GCSAML: variants seen among roughly 807,000 people sequenced by gnomAD.
GCSAML encodes germinal center associated signaling and motility like, also known as germinal center-associated signaling and motility-like protein.
A neutral mutation model predicts 13.0 loss-of-function variants in GCSAML; 9 were observed. That is an observed-to-expected ratio of 0.69 (90% CI 0.42 to 1.21). The LOEUF (loss-of-function observed/expected upper bound fraction) is 1.21. Among genes scored for constraint, GCSAML ranks in the 50% most tolerant of loss-of-function variants. GCSAML has a pLI of 0.00. For missense variants in GCSAML, 143 were observed against 153.4 expected (o/e 0.93, Z 0.36); for synonymous variants, 37 against 52.9 (o/e 0.70, Z 1.31).
chr1:247,548,975 C>A, upstream of GCSAML: 1 of 1,256,014 alleles, frequency 8.0e-7, no homozygotes, highest in Non-Finnish European at 1.1e-6. The surrounding 1 kb of genome is among the most constrained non-coding windows in gnomAD (Gnocchi z 5.3). Context: ...TGCAGGCACA[C>A]ACACGCACAC....
upstream of GCSAML, among the ~76,000 whole-genome samples, chr1:247,546,153 G>T (rs1299533594): frequency 6.6e-6 from 1 of 151,902 alleles, no homozygotes; most frequent in Non-Finnish European, 1.5e-5. Context: ...ATTTTTGTTT[G>T]TTCGTTTTGT....
intron 1 of GCSAML, among the ~76,000 whole-genome samples, chr1:247,513,096 A>G (rs972880504): frequency 3.3e-5 from 5 of 152,304 alleles, no homozygotes; most frequent in South Asian, 2.1e-4. Flanking sequence ...TTGTCTGCTG[A>G]AGCTGTGCCC....
intron 2 of GCSAML, among the ~76,000 whole-genome samples, chr1:247,562,759 T>C (rs1279764055): frequency 6.6e-6 from 1 of 152,168 alleles, no homozygotes; most frequent in African/African-American, 2.4e-5. Flanking sequence ...CTTTGAATCC[T>C]CTTTATTGTG....
At chr1:247,547,405 G>T (rs1364859421), upstream of GCSAML, among the ~76,000 whole-genome samples, 1 of 152,206 alleles carries the variant, frequency 6.6e-6, no homozygotes, top group Non-Finnish European at 1.5e-5. Flanking sequence ...GGATGGGACA[G>T]AATGGGAGTT....
At chr1:247,521,311 C>A (rs1055884630) in intron 1 of GCSAML, among the ~76,000 whole-genome samples, 2 of 150,780 alleles carry the variant, frequency 1.3e-5, no homozygotes, top group African/African-American at 2.4e-5. Flanking sequence ...ATAATGTCTC[C>A]CTCTCCCTCT....
At chr1:247,558,374 T>A (rs1668019961) in intron 2 of GCSAML, among the ~76,000 whole-genome samples, 1 of 152,224 alleles carries the variant, frequency 6.6e-6, no homozygotes, top group Admixed American at 6.5e-5. Context: ...GTATGAGCTC[T>A]TTCAAGTCAC....
rs569733893 is a variant in GCSAML at position 247,514,954 on chromosome 1, C to A, written c.-263+7721C>A. Among the ~76,000 whole-genome samples the A allele has an allele frequency of 2.3e-4, 35 of 152,130 alleles. No individual in the cohort carries two copies. In the South Asian group the frequency reaches 7.0e-3, roughly 31 times the overall value. On this transcript the variant is annotated intron_variant, in intron 1 of 5. Transcript: ENST00000366489. ...CTTTGGCTATGTGGGCTCTTTTTTG[C>A]TTCCATGTAAATTTTAGGATTGTTT...
chr1:247,532,874 T>TAC (rs1667054649), intron 2 of GCSAML, among the ~76,000 whole-genome samples: 1 of 139,310 alleles, frequency 7.2e-6, no homozygotes, highest in African/African-American at 3.1e-5. Flanking sequence ...AAAGACTGGG[T>TAC]GGGGGGTGTT....
At chr1:247,544,506 A>G (rs1437899200), upstream of GCSAML, among the ~76,000 whole-genome samples, 1 of 152,180 alleles carries the variant, frequency 6.6e-6, no homozygotes, top group Non-Finnish European at 1.5e-5. Context: ...ACAAAGGTAC[A>G]TTCCCCACAA....
At chr1:247,537,613 T>C (rs1667265254) in intron 2 of GCSAML, among the ~76,000 whole-genome samples, 1 of 152,260 alleles carries the variant, frequency 6.6e-6, no homozygotes, top group Non-Finnish European at 1.5e-5. Context: ...AAGCAATTTG[T>C]GTTCCAGTTT....
intron 1 of GCSAML, among the ~76,000 whole-genome samples, chr1:247,515,972 G>C (rs1309333363): frequency 1.3e-5 from 2 of 152,166 alleles, no homozygotes; most frequent in East Asian, 1.9e-4. Flanking sequence ...GTTGGTTGAG[G>C]GGGGAGGAGA....
At chr1:247,523,227 T>C (rs1351234783) in intron 1 of GCSAML, among the ~76,000 whole-genome samples, 3 of 152,180 alleles carry the variant, frequency 2.0e-5, no homozygotes, top group Non-Finnish European at 4.4e-5. Context: ...AGCGTAATAA[T>C]CAAGTAATAA....
At position 247,532,210 on chromosome 1, in the gene GCSAML, T is replaced by C; in HGVS notation, c.-148+5156T>C. ...CCCCAGCCAATGGGAGATATAGAAC[T>C]GGACCACACACCCTCCATAGCTTAT... On this transcript the variant is annotated intron_variant, in intron 2 of 5. Transcript: ENST00000366489. 3.1e-6 allele frequency: 5 copies of C among 1,614,160 alleles called. No homozygotes were observed. Among genetic ancestry groups the C allele is most frequent in the African/African-American group, 1.3e-5 (1 of 75,034 alleles).
At chr1:247,560,543 C>G (rs1003310653) in intron 2 of GCSAML, among the ~76,000 whole-genome samples, 1 of 152,044 alleles carries the variant, frequency 6.6e-6, no homozygotes, top group Non-Finnish European at 1.5e-5. Context: ...TTCCCTACCC[C>G]CACCCCCAAA....
intron 2 of GCSAML, chr1:247,538,594 G>A (rs1667302415): frequency 2.8e-6 from 1 of 362,414 alleles, no homozygotes; most frequent in Non-Finnish European, 5.5e-6. Context: ...CATAAGATTG[G>A]AATACTTATA....
intron 1 of GCSAML, among the ~76,000 whole-genome samples, chr1:247,522,840 C>CT (rs1666503473): frequency 6.6e-6 from 1 of 151,596 alleles, no homozygotes; most frequent in African/African-American, 2.4e-5. Flanking sequence ...TATCTGCTGA[C>CT]CTTCCCTCCA....
rs1667949234 is a variant in GCSAML at position 247,556,411 on chromosome 1, C to T, written c.34C>T (p.Leu12=). Residue 12 remains leucine (L), a synonymous_variant, in exon 2 of 5, where the codon CTG becomes TTG. Transcript: ENST00000366488. The part of the protein sequence containing the change: ...GNYLLRKLSC[L]GENQKKPKKG... ...TTCTTATGTGTTTCCATATAGTTGC[C>T]TGGGAGAGAATCAAAAGAAGCCCAA... The T allele has an allele frequency of 6.2e-7, 1 of 1,609,148 alleles. No homozygotes were observed.
intron 2 of GCSAML, among the ~76,000 whole-genome samples, chr1:247,541,185 T>G (rs998249027): frequency 1.5e-5 from 1 of 64,556 alleles, no homozygotes; most frequent in African/African-American, 8.5e-5. Context: ...CTTTTTCAAT[T>G]TTTTTTTTCC....
At chr1:247,558,215 T>A (rs1014974199) in intron 2 of GCSAML, among the ~76,000 whole-genome samples, 1 of 152,256 alleles carries the variant, frequency 6.6e-6, no homozygotes, top group African/African-American at 2.4e-5. Context: ...GTGTTGCATG[T>A]GGGCTAAGAA....
Sources: gnomAD v4.1 joint callset for allele counts (sites outside exome capture counted in the v4.1 genomes callset) on GRCh38, gnomAD v4.1.1 for gene constraint, Gnocchi (gnomAD v3.1) non-coding constraint, MANE v1.5 for transcripts, NCBI Gene and HGNC (gene_info 2026-07-23, HGNC 2026-07-21) for gene names.